PDE4D: variants seen among roughly 807,000 people sequenced by gnomAD.
The protein encoded by PDE4D is 3',5'-cyclic-AMP phosphodiesterase 4D.
A neutral mutation model predicts 87.4 loss-of-function variants in PDE4D; 24 were observed. The ratio of observed to expected loss-of-function variants is 0.27; its 90% confidence interval spans 0.20 to 0.39. The LOEUF is 0.39. Among genes scored for constraint, PDE4D ranks in the 10% least tolerant of loss-of-function variants. PDE4D has a pLI of 1.00. For synonymous variants in PDE4D, 384 were observed against 383.2 expected (o/e 1.00, Z -0.02); for missense variants, 714 against 1,041.0 (o/e 0.69, Z 4.32).
Position 60,485,344 on chromosome 5 carries a change from A to G in PDE4D, c.-90+2598T>C, listed in dbSNP as rs1290532674. ...AAATCAAATCAGTCCTATATATAACACAGGAAAAACGTTGGAGGGAAGAGC... is the reference window on the plus strand; with the variant it reads ...AAATCAAATCAGTCCTATATATAACGCAGGAAAAACGTTGGAGGGAAGAGC... On this transcript the variant is annotated intron_variant, in intron 1 of 16. Coordinates refer to the PDE4D transcript ENST00000502484. Among the ~76,000 whole-genome samples, 71 of 152,224 alleles carry G rather than the reference A, an allele frequency of 4.7e-4. 1 individual carries two copies. The highest frequency in any genetic ancestry group is 4.6e-3 in the Admixed American group (71 of 15,282).
intron 1 of PDE4D, among the ~76,000 whole-genome samples, chr5:59,500,763 A>G (rs767232989): frequency 6.6e-6 from 1 of 152,278 alleles, no homozygotes; most frequent in East Asian, 1.9e-4. Flanking sequence ...AAATAAAAAT[A>G]AAATAAGAAA....
intron 1 of PDE4D, among the ~76,000 whole-genome samples, chr5:59,874,294 G>T (rs1281963433): frequency 1.3e-5 from 2 of 152,044 alleles, no homozygotes; most frequent in African/African-American, 4.8e-5. Flanking sequence ...ACATCTCCAT[G>T]GTATTTGCAC....
At chr5:60,045,897 T>G (rs923185872) in intron 2 of PDE4D, among the ~76,000 whole-genome samples, 2 of 152,204 alleles carry the variant, frequency 1.3e-5, no homozygotes, top group Non-Finnish European at 2.9e-5. Flanking sequence ...TCCAATTCTG[T>G]GAAGAAAGTC....
At chr5:59,608,508 G>T (rs1828532214) in intron 1 of PDE4D, among the ~76,000 whole-genome samples, 1 of 152,134 alleles carries the variant, frequency 6.6e-6, no homozygotes, top group Non-Finnish European at 1.5e-5. Context: ...CATTGAAAAT[G>T]ATAAGACACA....
At chr5:59,440,366 C>A (rs1436185734) in intron 1 of PDE4D, among the ~76,000 whole-genome samples, 1 of 151,444 alleles carries the variant, frequency 6.6e-6, no homozygotes, top group Admixed American at 6.6e-5. Context: ...AACACCTTTA[C>A]TTATTCCCAT....
chr5:59,075,283 CTT>C (rs1561438762), intron 5 of PDE4D, among the ~76,000 whole-genome samples: 1 of 152,110 alleles, frequency 6.6e-6, no homozygotes, highest in African/African-American at 2.4e-5. Context: ...CATGATGAAA[CTT>C]ATTTCTTTGA....
Position 60,425,171 on chromosome 5 carries a change from T to C in PDE4D, c.-90+62771A>G, listed in dbSNP as rs1368108984. On this transcript the variant is annotated intron_variant, in intron 1 of 16. Transcript: ENST00000502484. ...CCACCAATGACTTTCTTCACAGAAA[T>C]GGAAAAAACTACTTTAAAGTTCATA... Among the ~76,000 whole-genome samples, 4 of 152,050 alleles carry C rather than the reference T, an allele frequency of 2.6e-5. No homozygotes were observed. In the East Asian group the frequency reaches 7.8e-4, roughly 29 times the overall value.
At chr5:60,326,124 A>T (rs998883249) in intron 1 of PDE4D, among the ~76,000 whole-genome samples, 3 of 152,134 alleles carry the variant, frequency 2.0e-5, no homozygotes, top group African/African-American at 7.2e-5. Flanking sequence ...ACTGCTATAA[A>T]CACTTACATA....
chr5:59,182,102 T>C (rs1031221576), intron 4 of PDE4D, among the ~76,000 whole-genome samples: 4 of 152,334 alleles, frequency 2.6e-5, no homozygotes, highest in South Asian at 2.1e-4. Context: ...ATTTTACTTC[T>C]GAATTATTTT....
At chr5:59,053,616 G>A (rs555584552) in intron 5 of PDE4D, among the ~76,000 whole-genome samples, 290 of 139,084 alleles carry the variant, frequency 2.1e-3, no homozygotes, top group Non-Finnish European at 3.4e-3. Flanking sequence ...GTTGAATTAA[G>A]TTTTATGAAT....
intron 2 of PDE4D, among the ~76,000 whole-genome samples, chr5:60,120,767 C>T (rs976331400): frequency 9.9e-5 from 15 of 152,166 alleles, no homozygotes; most frequent in South Asian, 2.1e-4. Context: ...CCTGCAGCAA[C>T]GGTTGGGTTG....
chr5:60,397,615 A>G (rs1354102604), intron 1 of PDE4D, among the ~76,000 whole-genome samples: 1 of 152,234 alleles, frequency 6.6e-6, no homozygotes, highest in East Asian at 1.9e-4. Context: ...AGCAGAGAGT[A>G]GAATGGTGTT....
chr5:59,376,274 T>C (rs548258918), intron 1 of PDE4D, among the ~76,000 whole-genome samples: 69 of 152,256 alleles, frequency 4.5e-4, no homozygotes, highest in South Asian at 3.5e-3. Context: ...CGATCCTATA[T>C]CTAGAAAACC....
chr5:60,042,247 A>T (rs987742080), intron 2 of PDE4D, among the ~76,000 whole-genome samples: 2 of 152,110 alleles, frequency 1.3e-5, no homozygotes, highest in Non-Finnish European at 2.9e-5. Flanking sequence ...GCCTTCCTAG[A>T]TTCCTCCTCT....
chr5:60,273,997 A>G (rs1751094911), intron 1 of PDE4D, among the ~76,000 whole-genome samples: 2 of 152,164 alleles, frequency 1.3e-5, no homozygotes, highest in African/African-American at 4.8e-5. Context: ...TGCTCTCAAG[A>G]CATTGGTCTC....
chr5:60,105,860 C>G (rs182010569), intron 2 of PDE4D, among the ~76,000 whole-genome samples: 1 of 152,172 alleles, frequency 6.6e-6, no homozygotes, highest in Admixed American at 6.5e-5. Flanking sequence ...GAAGGAAGCA[C>G]TAAATATGGA....
At chr5:59,709,881 T>C (rs74579971) in intron 1 of PDE4D, among the ~76,000 whole-genome samples, 1,781 of 152,276 alleles carry the variant, frequency 0.012, 20 homozygotes, top group South Asian at 0.046. Flanking sequence ...CTCCATTACT[T>C]TAGACAGAAC....
intron 1 of PDE4D, among the ~76,000 whole-genome samples, chr5:59,492,259 C>T (rs934524366): frequency 1.3e-5 from 2 of 152,190 alleles, no homozygotes; most frequent in African/African-American, 2.4e-5. Context: ...CCCATCTGTA[C>T]ATTCACTGAC....
chr5:59,412,976 T>G (rs1792951250), intron 1 of PDE4D, among the ~76,000 whole-genome samples: 1 of 145,598 alleles, frequency 6.9e-6, no homozygotes, highest in African/African-American at 2.7e-5. Context: ...CAGCCAAATT[T>G]AAACTTGTCT....
Sources: allele counts gnomAD v4.1 joint callset (sites outside exome capture counted in the v4.1 genomes callset), GRCh38; gene constraint gnomAD v4.1.1; transcripts MANE v1.5; gene names NCBI Gene and HGNC (gene_info 2026-07-23, HGNC 2026-07-21).